The following PPARGC1A variants were observed in gnomAD, a reference collection of about 807,000 sequenced individuals.
PPARGC1A encodes the protein peroxisome proliferator-activated receptor gamma coactivator 1-alpha.
A neutral mutation model predicts 88.7 loss-of-function variants in PPARGC1A; 25 were observed. The ratio of observed to expected loss-of-function variants is 0.28; its 90% confidence interval spans 0.21 to 0.39. PPARGC1A has a LOEUF of 0.39. Ranked by LOEUF, PPARGC1A falls within the 10% of genes least tolerant of loss-of-function variation. PPARGC1A has a pLI of 1.00. For missense variants in PPARGC1A, 880 were observed against 968.7 expected (o/e 0.91, Z 1.22); for synonymous variants, 363 against 355.6 (o/e 1.02, Z -0.24).
chr4:24,195,841 T>A, the PPARGC1A span, among the ~76,000 whole-genome samples: 1 of 152,224 alleles, frequency 6.6e-6, no homozygotes, highest in Non-Finnish European at 1.5e-5. Context: ...GTTAAGGTTC[T>A]GCTAATGGAT....
chr4:24,258,843 T>G, the PPARGC1A span, among the ~76,000 whole-genome samples: 1 of 152,222 alleles, frequency 6.6e-6, no homozygotes, highest in Non-Finnish European at 1.5e-5. Flanking sequence ...TTTCTACCAC[T>G]CTCAGACCAT....
the PPARGC1A span, among the ~76,000 whole-genome samples, chr4:24,349,438 G>A: frequency 1.4e-4 from 21 of 152,276 alleles, no homozygotes; most frequent in Admixed American, 9.8e-4. Flanking sequence ...ATGACTAGGC[G>A]TGTCTGAGCT....
chr4:24,257,176 TAG>T, the PPARGC1A span, among the ~76,000 whole-genome samples: 9,710 of 152,174 alleles, frequency 0.064, 375 homozygotes, highest in South Asian at 0.18. Flanking sequence ...TTTTAGGTTG[TAG>T]ACTTTCTGCC....
the PPARGC1A span, among the ~76,000 whole-genome samples, chr4:24,004,853 T>C: frequency 1.3e-5 from 2 of 152,174 alleles, no homozygotes; most frequent in Admixed American, 6.5e-5. Context: ...TTGTGGATCT[T>C]TATAAATGAA....
At chr4:24,099,702 G>T in the PPARGC1A span, among the ~76,000 whole-genome samples, 1 of 152,058 alleles carries the variant, frequency 6.6e-6, no homozygotes, top group Non-Finnish European at 1.5e-5. Flanking sequence ...AGGTTCTTGT[G>T]GCTGTTGTAA....
At chr4:24,168,437 A>G in the PPARGC1A span, among the ~76,000 whole-genome samples, 1 of 152,234 alleles carries the variant, frequency 6.6e-6, no homozygotes, top group Non-Finnish European at 1.5e-5. Flanking sequence ...TGAGGCCTAA[A>G]AGTAATACCC....
At chr4:23,898,779 T>C (rs1387312898) in intron 1 of PPARGC1A, among the ~76,000 whole-genome samples, 1 of 152,252 alleles carries the variant, frequency 6.6e-6, no homozygotes, top group Non-Finnish European at 1.5e-5. Context: ...GAGTAAATTC[T>C]TTCTCTACCT....
the PPARGC1A span, among the ~76,000 whole-genome samples, chr4:24,412,505 A>G: frequency 3.3e-5 from 5 of 152,154 alleles, no homozygotes; most frequent in Non-Finnish European, 5.9e-5. Context: ...TTTGAGATGG[A>G]GTCTCACTCT....
the PPARGC1A span, among the ~76,000 whole-genome samples, chr4:24,401,160 A>G: frequency 6.6e-6 from 1 of 151,340 alleles, no homozygotes; most frequent in Admixed American, 6.6e-5. Context: ...CTGGGGCTAC[A>G]GGCGCCCACC....
At chr4:23,996,185 A>T in the PPARGC1A span, among the ~76,000 whole-genome samples, 3 of 152,242 alleles carry the variant, frequency 2.0e-5, no homozygotes, top group East Asian at 5.8e-4. Context: ...CTACAACTGA[A>T]TTTTGACTGG....
the PPARGC1A span, among the ~76,000 whole-genome samples, chr4:24,317,585 A>AAAAAAAAAAAAC: frequency 7.3e-6 from 1 of 137,202 alleles, no homozygotes; most frequent in Non-Finnish European, 1.6e-5. Context: ...AAAAAAAAAA[A>AAAAAAAAAAAAC]AAAAAAAAAA....
At chr4:24,333,990 T>G in the PPARGC1A span, among the ~76,000 whole-genome samples, 1 of 84,970 alleles carries the variant, frequency 1.2e-5, no homozygotes, top group Non-Finnish European at 2.4e-5. Context: ...AGTCAGAACA[T>G]AGAAACTAGT....
chr4:24,428,186 T>C, the PPARGC1A span, among the ~76,000 whole-genome samples: 1 of 151,848 alleles, frequency 6.6e-6, no homozygotes, highest in South Asian at 2.1e-4. Flanking sequence ...GAAGCTCTGG[T>C]CTAGATTCCT....
chr4:24,403,679 G>T, the PPARGC1A span, among the ~76,000 whole-genome samples: 4 of 152,252 alleles, frequency 2.6e-5, no homozygotes, highest in East Asian at 7.7e-4. Context: ...GGCTCATGTT[G>T]TTTTTCCATT....
At chr4:24,145,806 C>T in the PPARGC1A span, among the ~76,000 whole-genome samples, 1 of 152,176 alleles carries the variant, frequency 6.6e-6, no homozygotes, top group Non-Finnish European at 1.5e-5. Context: ...CTGCCATCAA[C>T]TTTAATGATG....
intron 2 of PPARGC1A, among the ~76,000 whole-genome samples, chr4:23,844,764 A>AATAATATATATCATATATTATT (rs1727899977): frequency 2.4e-4 from 11 of 45,568 alleles, no homozygotes; most frequent in Non-Finnish European, 3.9e-4. Flanking sequence ...TATATATTAT[A>AATAATATATATCATATATTATT]ATAATATATG....
At chr4:23,912,940 C>G in the PPARGC1A span, among the ~76,000 whole-genome samples, 1 of 151,258 alleles carries the variant, frequency 6.6e-6, no homozygotes, top group Non-Finnish European at 1.5e-5. Flanking sequence ...AGGCGCCCAC[C>G]ACCACGCCCG....
At chr4:24,378,791 T>C in the PPARGC1A span, among the ~76,000 whole-genome samples, 1 of 152,164 alleles carries the variant, frequency 6.6e-6, no homozygotes, top group African/African-American at 2.4e-5. Flanking sequence ...TACTGCAAAA[T>C]CAGAAAATGG....
At chr4:24,286,426 A>G in the PPARGC1A span, among the ~76,000 whole-genome samples, 1 of 152,180 alleles carries the variant, frequency 6.6e-6, no homozygotes, top group African/African-American at 2.4e-5. Context: ...TGTCTTAATC[A>G]TGACCACAAA....
Sources: gnomAD v4.1 joint callset for allele counts (sites outside exome capture counted in the v4.1 genomes callset) on GRCh38, gnomAD v4.1.1 for gene constraint, MANE v1.5 for transcripts, NCBI Gene and HGNC (gene_info 2026-07-23, HGNC 2026-07-21) for gene names.